Variants in DGKG observed in about 807,000 individuals in gnomAD.
The protein encoded by DGKG is diacylglycerol kinase gamma.
In DGKG, 78 loss-of-function variants were observed where a neutral mutation model predicts 105.3. The ratio of observed to expected loss-of-function variants is 0.74; its 90% CI spans 0.62 to 0.89. The LOEUF (loss-of-function observed/expected upper bound fraction) is 0.89. DGKG is among the 40% of genes least tolerant of loss of function. DGKG has a pLI of 0.00. For synonymous variants in DGKG, 346 were observed against 367.1 expected (o/e 0.94, Z 0.66); for missense variants, 958 against 1,020.1 (o/e 0.94, Z 0.83).
At chr3:186,193,867 C>T (rs892386192) in intron 21 of DGKG, among the ~76,000 whole-genome samples, 7 of 152,254 alleles carry the variant, frequency 4.6e-5, no homozygotes, top group Non-Finnish European at 8.8e-5. Flanking sequence ...ATCCCTAACC[C>T]AGGACCTGGC....
At chr3:186,305,679 T>C (rs568881352) in intron 3 of DGKG, among the ~76,000 whole-genome samples, 21 of 152,234 alleles carry the variant, frequency 1.4e-4, no homozygotes, top group African/African-American at 4.8e-4. Flanking sequence ...GGGCAAAATA[T>C]GGTGATGACT....
At chr3:186,261,847 G>T in intron 14 of DGKG, 69 bp from the exon 15 acceptor site, 1 of 996,140 alleles carries the variant, frequency 1.0e-6, no homozygotes. Flanking sequence ...GAGAGTTGAA[G>T]CCAAGACAGC....
At position 186,336,701 on chromosome 3, in the gene DGKG, T is replaced by C. The variant is rs1332575755; in HGVS notation, c.-248-15994A>G. ...TTGTTAATATTGTTGAAAAATCTAATAAAATAGGCAATCCTTTGGCAGAGT... is the reference window on the plus strand; with the variant it reads ...TTGTTAATATTGTTGAAAAATCTAACAAAATAGGCAATCCTTTGGCAGAGT... On this transcript the variant is annotated intron_variant, in intron 1 of 24. Transcript: ENST00000265022. 3.3e-5 allele frequency among the ~76,000 whole-genome samples: 5 copies of C among 151,914 alleles called. No individual in the cohort carries two copies. The East Asian group carries it at 9.7e-4, about 29-fold the overall frequency.
intron 20 of DGKG, among the ~76,000 whole-genome samples, chr3:186,216,389 T>G (rs1159801808): frequency 6.6e-6 from 1 of 152,100 alleles, no homozygotes; most frequent in East Asian, 1.9e-4. Context: ...ATGGAAATGC[T>G]TCTATTTCTC....
intron 11 of DGKG, among the ~76,000 whole-genome samples, chr3:186,269,911 A>G (rs1397240613): frequency 2.6e-5 from 4 of 152,142 alleles, no homozygotes; most frequent in Non-Finnish European, 5.9e-5. Context: ...TAGTAGCCCC[A>G]CTGTCTGGGA....
chr3:186,307,112 T>C (rs1326667874), intron 2 of DGKG, 135 bp from the exon 3 acceptor site: 3 of 648,322 alleles, frequency 4.6e-6, no homozygotes, highest in Non-Finnish European at 8.3e-6. Flanking sequence ...AATGTCACCC[T>C]CTTCTACCCT....
intron 1 of DGKG, among the ~76,000 whole-genome samples, chr3:186,321,385 A>G (rs1266754634): frequency 1.3e-5 from 2 of 152,236 alleles, no homozygotes; most frequent in Non-Finnish European, 2.9e-5. Flanking sequence ...GATGGAGTCG[A>G]AAACACTAGA....
chr3:186,244,267 G>A (rs1720830703), intron 19 of DGKG, among the ~76,000 whole-genome samples: 1 of 152,164 alleles, frequency 6.6e-6, no homozygotes, highest in African/African-American at 2.4e-5. Flanking sequence ...GTGGTGAGGT[G>A]CACCTGGCAT....
At chr3:186,233,850 T>C (rs1409105935) in intron 20 of DGKG, among the ~76,000 whole-genome samples, 4 of 152,162 alleles carry the variant, frequency 2.6e-5, no homozygotes, top group Non-Finnish European at 5.9e-5. Flanking sequence ...ACTCACATAA[T>C]ATTATACCTC....
Position 186,213,730 on chromosome 3 carries a change from G to C in DGKG, c.1827-1845C>G, listed in dbSNP as rs73180315. On this transcript the variant is annotated intron_variant, in intron 20 of 24. Coordinates refer to ENST00000265022, the MANE Select transcript of DGKG (RefSeq NM_001346.3). ...AGATTCTATGAGAGAGTTGTGGAAC[G>C]GGGCCCAGGATTGTGCATTTTTATG... 6.1e-4 allele frequency among the ~76,000 whole-genome samples: 93 copies of C among 152,226 alleles called. 1 individual carries two copies. Among genetic ancestry groups the C allele is most frequent in the Admixed American group, 4.1e-3 (62 of 15,232 alleles).
chr3:186,325,817 T>G lies in DGKG; in HGVS notation c.-248-5110A>C, dbSNP rs184953085. Reference sequence around the variant, plus strand: ...TTACAAATCTGTTGCTATCTTCGACTCTCAGATTATTCCAGATTTGATCAG... The same window carrying G: ...TTACAAATCTGTTGCTATCTTCGACGCTCAGATTATTCCAGATTTGATCAG... On this transcript the variant is annotated intron_variant, in intron 1 of 24. Coordinates refer to ENST00000265022, the MANE Select transcript of DGKG (RefSeq NM_001346.3). Among the ~76,000 whole-genome samples the G allele has an allele frequency of 3.3e-3, 510 of 152,338 alleles. 4 individuals are homozygous for G. Among genetic ancestry groups the G allele is most frequent in the African/African-American group, 0.011 (473 of 41,580 alleles).
intron 21 of DGKG, among the ~76,000 whole-genome samples, chr3:186,207,816 C>T (rs1011907821): frequency 6.6e-6 from 1 of 152,222 alleles, no homozygotes; most frequent in Non-Finnish European, 1.5e-5. Flanking sequence ...CGTGGCTCTG[C>T]AGGACTCCTT....
At chr3:186,161,214 G>T in intron 24 of DGKG, 4 of 993,560 alleles carry the variant, frequency 4.0e-6, no homozygotes, top group South Asian at 9.0e-5. Context: ...TCCACGTAAG[G>T]AAGCAATTTG....
At chr3:186,268,356 G>A (rs1309156806) in intron 12 of DGKG, among the ~76,000 whole-genome samples, 1 of 152,198 alleles carries the variant, frequency 6.6e-6, no homozygotes, top group Admixed American at 6.5e-5. Context: ...GTGGCTGGTG[G>A]CAGCAGGTCC....
chr3:186,265,016 C>A (rs1413677121), intron 14 of DGKG, among the ~76,000 whole-genome samples: 3 of 152,146 alleles, frequency 2.0e-5, no homozygotes, highest in African/African-American at 7.2e-5. Context: ...TAATAAAGCC[C>A]AATAAGACCA....
At chr3:186,310,211 G>A (rs1439310669) in intron 2 of DGKG, among the ~76,000 whole-genome samples, 2 of 129,054 alleles carry the variant, frequency 1.5e-5, no homozygotes, top group African/African-American at 5.8e-5. Flanking sequence ...AGCTTGCAAT[G>A]AGCCGAGACC....
At chr3:186,211,735 T>A in intron 21 of DGKG, 60 bp downstream of exon 21, 1 of 1,212,290 alleles carries the variant, frequency 8.2e-7, no homozygotes, top group Non-Finnish European at 1.2e-6. Flanking sequence ...CCTGTGCATG[T>A]GTGACAGTCC....
At chr3:186,188,698 A>G (rs1309801914) in intron 21 of DGKG, among the ~76,000 whole-genome samples, 2 of 152,142 alleles carry the variant, frequency 1.3e-5, no homozygotes, top group Admixed American at 1.3e-4. Flanking sequence ...CTCCAGTCTA[A>G]TCTCATTATC....
At chr3:186,355,343 CCAA>C (rs200527416) in intron 1 of DGKG, among the ~76,000 whole-genome samples, 860 of 80,444 alleles carry the variant, frequency 0.011, 15 homozygotes, top group African/African-American at 0.05. Context: ...ATCACCACCA[CCAA>C]CAACACTACT....
Sources: gnomAD v4.1 joint callset for allele counts (sites outside exome capture counted in the v4.1 genomes callset) on GRCh38, gnomAD v4.1.1 for gene constraint, MANE v1.5 for transcripts, NCBI Gene and HGNC (gene_info 2026-07-23, HGNC 2026-07-21) for gene names.